Variants in CEP63 observed in about 807,000 individuals in gnomAD.
The protein encoded by CEP63 is centrosomal protein of 63 kDa.
Under a neutral mutation model 89.1 loss-of-function variants are expected in CEP63, and 84 were observed. That is an observed-to-expected ratio of 0.94 (90% CI 0.79 to 1.13). The LOEUF (loss-of-function observed/expected upper bound fraction) is 1.13, where lower values mean the gene tolerates loss of function less well. Ranked by LOEUF, CEP63 falls within the 50% of genes most tolerant of loss-of-function variation. The pLI is 0.00. For missense variants in CEP63, 838 were observed against 813.3 expected (o/e 1.03, Z -0.37); for synonymous variants, 267 against 272.5 (o/e 0.98, Z 0.20).
chr3:134,731,330 G>T, the CEP63 span, among the ~76,000 whole-genome samples: 1 of 152,060 alleles, frequency 6.6e-6, no homozygotes, highest in Non-Finnish European at 1.5e-5. Flanking sequence ...AAGCACACAA[G>T]AATCAAGTAT....
At chr3:134,741,491 A>G in the CEP63 span, among the ~76,000 whole-genome samples, 2 of 152,078 alleles carry the variant, frequency 1.3e-5, no homozygotes, top group East Asian at 1.9e-4. Flanking sequence ...GCTTCCCCCT[A>G]TGCCTGGCCA....
chr3:134,495,087 A>G (rs1007811959), intron 1 of CEP63, among the ~76,000 whole-genome samples: 11 of 152,188 alleles, frequency 7.2e-5, no homozygotes, highest in African/African-American at 2.4e-4. Flanking sequence ...CGCAATTCAG[A>G]TATTTTTAAG....
chr3:134,587,200 C>T (rs560159407), intron 10 of CEP63, among the ~76,000 whole-genome samples: 14 of 149,362 alleles, frequency 9.4e-5, no homozygotes, highest in Middle Eastern at 3.4e-3. Context: ...TCTGTCAACT[C>T]GTCAAAGTCA....
At chr3:134,632,948 A>G in the CEP63 span, among the ~76,000 whole-genome samples, 9 of 152,068 alleles carry the variant, frequency 5.9e-5, no homozygotes, top group African/African-American at 2.2e-4. Context: ...AGACCCTCAT[A>G]TGTATTAAAA....
At chr3:134,697,083 T>C in the CEP63 span, among the ~76,000 whole-genome samples, 1 of 152,186 alleles carries the variant, frequency 6.6e-6, no homozygotes, top group East Asian at 1.9e-4. Context: ...ATTGGTCTGG[T>C]CAAGATACCA....
chr3:134,714,973 G>A, the CEP63 span, among the ~76,000 whole-genome samples: 1 of 152,216 alleles, frequency 6.6e-6, no homozygotes, highest in African/African-American at 2.4e-5. Context: ...AGAGGAGGGT[G>A]TCCCAAACCC....
In CEP63 at chr3:134,532,903, A is replaced by G; in HGVS notation, c.441+3A>G. 6.2e-7 allele frequency: 1 copy of G among 1,613,222 alleles called. No individual in the cohort carries two copies. The highest frequency in any genetic ancestry group is 2.2e-5 in the East Asian group (1 of 44,798). ...AGAGGTTAACTGCAAAAATAGAGGT[A>G]TGTTCATAGTAATAATTTGTTCATA... On this transcript the variant is annotated splice_donor_region_variant and intron_variant, in intron 5 of 14. Coordinates refer to ENST00000675561, the MANE Select transcript of CEP63 (RefSeq NM_001353108.3).
chr3:134,730,168 T>G, the CEP63 span, among the ~76,000 whole-genome samples: 1 of 152,234 alleles, frequency 6.6e-6, no homozygotes, highest in Non-Finnish European at 1.5e-5. Flanking sequence ...TATATATAAC[T>G]TGGATAAACA....
At chr3:134,663,545 G>A in the CEP63 span, among the ~76,000 whole-genome samples, 1 of 152,188 alleles carries the variant, frequency 6.6e-6, no homozygotes, top group Admixed American at 6.5e-5. Flanking sequence ...CACAAACCCC[G>A]GGGGCCTTCT....
In CEP63 at chr3:134,547,443, G is replaced by A. The variant is rs764448864; in HGVS notation, c.1038G>A (p.Leu346=). 1.2e-6 allele frequency: 2 copies of A among 1,613,736 alleles called. No individual in the cohort carries two copies. Among genetic ancestry groups the A allele is most frequent in the Non-Finnish European group, 1.7e-6 (2 of 1,179,752 alleles). The part of the protein sequence containing the change: ...LNFTHTSEDL[L]QAEVTCLEGS... ...TTACCCATACTAGTGAGGACCTTCT[G>A]CAGGCAGAGGTGACTTGTCTTGAAG... The change falls in exon 9 of 15, where the codon CTG becomes CTA. Residue 346 remains leucine, a synonymous_variant. Coordinates refer to ENST00000675561, the MANE Select transcript of CEP63 (RefSeq NM_001353108.3).
Position 134,525,682 on chromosome 3 carries a change from G to A in CEP63, c.223-6163G>A, listed in dbSNP as rs560222160. On this transcript the variant is annotated intron_variant, in intron 3 of 14. Coordinates refer to ENST00000675561, the MANE Select transcript of CEP63 (RefSeq NM_001353108.3). ...TTAATGCTCTTTGCTTTCCATATGT[G>A]GTGCTTCCTTCAGAGCTTAGTTTGG... Among the ~76,000 whole-genome samples, 3 of 152,108 alleles carry A rather than the reference G, an allele frequency of 2.0e-5. No individual in the cohort carries two copies. In the South Asian group the frequency reaches 6.2e-4, roughly 32 times the overall value.
chr3:134,638,606 G>T, the CEP63 span, among the ~76,000 whole-genome samples: 1 of 152,198 alleles, frequency 6.6e-6, no homozygotes, highest in Non-Finnish European at 1.5e-5. Context: ...TTGAGAACGG[G>T]CTCCCTGGCC....
At chr3:134,496,513 A>C (rs563295202) in intron 2 of CEP63, among the ~76,000 whole-genome samples, 1 of 152,162 alleles carries the variant, frequency 6.6e-6, no homozygotes, top group East Asian at 1.9e-4. Flanking sequence ...GGTTGTCAAC[A>C]TTCTTGCAAG....
the CEP63 span, chr3:134,615,447 A>T: frequency 1.1e-3 from 163 of 147,874 alleles, no homozygotes; most frequent in African/African-American, 4.0e-3. Flanking sequence ...TGGTAAGTTA[A>T]TTTTTTTTCT....
chr3:134,672,475 C>A, the CEP63 span, among the ~76,000 whole-genome samples: 4 of 152,124 alleles, frequency 2.6e-5, no homozygotes, highest in African/African-American at 4.8e-5. Context: ...TTGCTAAATT[C>A]AAAATTGTCA....
the CEP63 span, among the ~76,000 whole-genome samples, chr3:134,735,107 C>T: frequency 1.3e-5 from 2 of 152,068 alleles, no homozygotes; most frequent in East Asian, 1.9e-4. Flanking sequence ...ATTTTCTTTT[C>T]GTTTCAGCCT....
At chr3:134,599,232 C>T in the CEP63 span, among the ~76,000 whole-genome samples, 95,842 of 152,082 alleles carry the variant, frequency 0.63, 30,710 homozygotes, top group East Asian at 0.87. Flanking sequence ...AACTCAAGAG[C>T]TACTCCTTCT....
intron 3 of CEP63, among the ~76,000 whole-genome samples, chr3:134,525,935 C>G (rs764272018): frequency 1.1e-4 from 16 of 152,090 alleles, no homozygotes; most frequent in Non-Finnish European, 1.8e-4. Context: ...TGTGAAGTAT[C>G]TTACTGGGGT....
intron 6 of CEP63, among the ~76,000 whole-genome samples, chr3:134,540,560 T>C (rs1290404117): frequency 2.0e-5 from 3 of 152,116 alleles, no homozygotes; most frequent in Non-Finnish European, 2.9e-5. Context: ...CCTCATACTT[T>C]CCCCACATTG....
Sources: gnomAD v4.1 joint callset for allele counts (sites outside exome capture counted in the v4.1 genomes callset) on GRCh38, gnomAD v4.1.1 for gene constraint, MANE v1.5 for transcripts, NCBI Gene and HGNC (gene_info 2026-07-23, HGNC 2026-07-21) for gene names.